DCHS1: variants seen among roughly 807,000 people sequenced by gnomAD.
DCHS1 encodes protocadherin-16.
Under a neutral mutation model 213.9 loss-of-function variants are expected in DCHS1, and 78 were observed. The observed-to-expected ratio is 0.36, with a 90% CI of 0.30 to 0.44. The LOEUF is 0.44. Among genes scored for constraint, DCHS1 ranks in the 20% least tolerant of loss-of-function variants. DCHS1 has a pLI of 1.00. For missense variants in DCHS1, 3,946 were observed against 4,395.9 expected (o/e 0.90, Z 2.89); for synonymous variants, 1,828 against 1,873.7 (o/e 0.98, Z 0.63).
chr11:6,627,154 G>A lies in DCHS1; in HGVS notation c.5885C>T (p.Thr1962Ile). The A allele has an allele frequency of 6.2e-7, 1 of 1,612,234 alleles. No individual in the cohort carries two copies. The highest frequency in any genetic ancestry group is 1.1e-5 in the South Asian group (1 of 91,080). ...DVNDHAPTFP[T>I]SPLRLRLPRP... ...GGGCAGACGTAGGCGCAGAGGACTG[G>A]TGGGGAAGGTGGGTGCATGGTCATT... Residue 1962 changes from threonine (T) to isoleucine (I), a missense_variant, in exon 14 of 21, where the codon ACC becomes ATC. Thr to Ile is a moderately conservative substitution (Grantham distance 89). This residue lies in a region of DCHS1 where 3,384 missense variants were observed against 3,780.1 expected (regional missense o/e 0.90). Coordinates refer to ENST00000299441, the MANE Select transcript of DCHS1 (RefSeq NM_003737.4). The surrounding 1 kb of genome is among the most constrained non-coding windows in gnomAD (Gnocchi z 5.4).
In DCHS1 at chr11:6,625,016, C is replaced by A; in HGVS notation, c.7147-148G>T. On this transcript the variant is annotated intron_variant, in intron 19 of 20. Transcript: ENST00000299441. The surrounding 1 kb of genome is among the most constrained non-coding windows in gnomAD (Gnocchi z 5.3). ...TCCTAAGTATTCGAATGGGAAATGC[C>A]CACCTTCTCCCCTTTCTGGGTACAG... The A allele has an allele frequency of 2.9e-6, 4 of 1,388,342 alleles. No individual in the cohort carries two copies. The highest frequency in any genetic ancestry group is 3.9e-6 in the Non-Finnish European group (4 of 1,021,470). The allele number at this position is 1,388,342 out of a possible 1,614,324, so 86.0% of individuals were successfully genotyped here.
rs1564861260 is a variant in DCHS1, at chr11:6,626,414, C to T, written c.6365-34G>A. 1 of 1,608,266 alleles carries T rather than the reference C, an allele frequency of 6.2e-7. No individual in the cohort carries two copies. Among genetic ancestry groups the T allele is most frequent in the Admixed American group, 1.7e-5 (1 of 59,336 alleles). Reference sequence around the variant, plus strand: ...GATAGAATGCATCAGTGATAGCCCCCTTTGCTTGCCCTGGAGCCTCCTTCT... The same window carrying T: ...GATAGAATGCATCAGTGATAGCCCCTTTTGCTTGCCCTGGAGCCTCCTTCT... On this transcript the variant is annotated intron_variant, in intron 15 of 20. Transcript: ENST00000299441. The surrounding 1 kb of genome is among the most constrained non-coding windows in gnomAD (Gnocchi z 5.2).
At chr11:6,644,697 A>T (rs1049269209) in intron 1 of DCHS1, among the ~76,000 whole-genome samples, 2 of 152,230 alleles carry the variant, frequency 1.3e-5, no homozygotes, top group African/African-American at 4.8e-5. Context: ...GCCCGTGCTA[A>T]ATGAATGGTC....
rs200639390 is a variant in DCHS1 at position 6,640,709 on chromosome 11, T to A, written c.905A>T (p.Asp302Val). ...GTGTGCGTCGATGGAGAAGGGTCCA[T>A]CACCCTCGCTCTGCCTCCGGTTGAT... ...YEINRRQSEG[D>V]GPFSIDAHTG... Residue 302 changes from aspartate (D) to valine (V), a missense_variant, in exon 2 of 21, where the codon GAT becomes GTT. Around this residue, in one of 3 missense-constraint regions of DCHS1, gnomAD observed 3,384 missense variants for 3,780.1 expected, o/e 0.90. Coordinates refer to ENST00000299441, the MANE Select transcript of DCHS1 (RefSeq NM_003737.4). This position sits in a 1 kb window ranked among gnomAD's most constrained non-coding sequence, Gnocchi z 6.5. 5.0e-6 allele frequency: 8 copies of A among 1,613,720 alleles called. No individual in the cohort carries two copies. In the African/African-American group the frequency reaches 9.3e-5, roughly 19 times the overall value.
Position 6,633,397 on chromosome 11 carries a change from A to G in DCHS1, c.2455+15T>C. ...TTTGGGTCTGACACCAAGTGGGTAT[A>G]AAGCTAAATGATACCTGGTGGGTTG... is the stretch of plus-strand genomic sequence containing the variant. On this transcript the variant is annotated intron_variant, in intron 5 of 20. Coordinates refer to ENST00000299441, the MANE Select transcript of DCHS1 (RefSeq NM_003737.4). 1 of 1,549,720 alleles carries G rather than the reference A, an allele frequency of 6.5e-7. No homozygotes were observed. The highest frequency in any genetic ancestry group is 1.2e-5 in the South Asian group (1 of 83,756).
chr11:6,631,255 G>T (rs1855902631), intron 8 of DCHS1, 45 bp from the exon 9 acceptor site: 1 of 1,613,490 alleles, frequency 6.2e-7, no homozygotes, highest in Non-Finnish European at 8.5e-7. Context: ...CCCAGAGCTG[G>T]GCAGGCCATG....
intron 1 of DCHS1, among the ~76,000 whole-genome samples, chr11:6,653,935 G>A (rs1425734611): frequency 6.6e-6 from 1 of 152,184 alleles, no homozygotes; most frequent in Non-Finnish European, 1.5e-5. Flanking sequence ...AGAGAGGAAT[G>A]CAAGAGTTTA....
Position 6,621,689 on chromosome 11 carries a change from T to C in DCHS1, c.*90A>G. On this transcript the variant is annotated 3_prime_UTR_variant, in exon 21 of 21. Coordinates refer to ENST00000299441, the MANE Select transcript of DCHS1 (RefSeq NM_003737.4). The stretch of plus-strand genomic sequence containing the variant: ...GTGGTGGCCTCCCCGTAGCCAGTCA[T>C]AGTCCGAGGCTGCCCAGGGCAGGCT... The C allele has an allele frequency of 2.1e-6, 3 of 1,461,074 alleles. No individual in the cohort carries two copies. Among genetic ancestry groups the C allele is most frequent in the Non-Finnish European group, 2.8e-6 (3 of 1,078,580 alleles). 90.5% of individuals were successfully genotyped at this position (1,461,074 alleles called of 1,614,324 possible).
chr11:6,632,215 A>C lies in DCHS1; in HGVS notation c.3297T>G (p.Asn1099Lys). Residue 1099 changes from asparagine to lysine, a missense_variant, in exon 6 of 21, where the codon AAT becomes AAG. This residue lies in a region of DCHS1 where 3,384 missense variants were observed against 3,780.1 expected (regional missense o/e 0.90). Coordinates refer to ENST00000299441, the MANE Select transcript of DCHS1 (RefSeq NM_003737.4). The surrounding 1 kb of genome is among the most constrained non-coding windows in gnomAD (Gnocchi z 5.9). The part of the protein sequence containing the change: ...ATVRVSILNQ[N>K]EHSPRLSEDP... ...CCTCAGACAAGCGGGGACTGTGTTC[A>C]TTCTGGTTGAGGATGCTGACCCTCA... The C allele has an allele frequency of 1.2e-6, 2 of 1,612,462 alleles. No individual in the cohort carries two copies.
chr11:6,634,470 A>G (rs893134480), intron 2 of DCHS1, among the ~76,000 whole-genome samples, 164 bp from the exon 3 acceptor site: 1 of 152,092 alleles, frequency 6.6e-6, no homozygotes, highest in Admixed American at 6.5e-5. Context: ...GTACCTCACC[A>G]TTTAGTTAGG....
rs768356725 is a variant in DCHS1, at chr11:6,632,492, A to C, written c.3020T>G (p.Val1007Gly). 8 of 1,577,240 alleles carry C rather than the reference A, an allele frequency of 5.1e-6. No individual in the cohort carries two copies. The South Asian group carries it at 8.2e-5, about 16-fold the overall frequency. ...AGCAGTGGTGCCTGAGGGCAGGTCCACACGGTAGGTAGGGCTGTTGAATCG... is the reference window on the plus strand; with the variant it reads ...AGCAGTGGTGCCTGAGGGCAGGTCCCCACGGTAGGTAGGGCTGTTGAATCG... ...APRFNSPTYR[V>G]DLPSGTTAGT... The change falls in exon 6 of 21, where the codon GTG (valine) becomes GGG (glycine). Residue 1007 changes from valine to glycine, a missense_variant. Val to Gly is a moderately radical substitution (Grantham distance 109). Coordinates refer to ENST00000299441, the MANE Select transcript of DCHS1 (RefSeq NM_003737.4). This position sits in a 1 kb window ranked among gnomAD's most constrained non-coding sequence, Gnocchi z 5.9.
At chr11:6,637,479 G>C (rs1564867653) in intron 2 of DCHS1, among the ~76,000 whole-genome samples, 1 of 152,012 alleles carries the variant, frequency 6.6e-6, no homozygotes, top group Admixed American at 6.6e-5. Context: ...ATAGAAAAAA[G>C]CTCAAACCCT....
chr11:6,626,790 T>G lies in DCHS1; in HGVS notation c.6249A>C (p.Pro2083=). 1 of 1,611,352 alleles carries G rather than the reference T, an allele frequency of 6.2e-7. No homozygotes were observed. Among genetic ancestry groups the G allele is most frequent in the South Asian group, 1.1e-5 (1 of 91,070 alleles). ...SEATIRENAP[P]GTPIVSPRAV... is the part of the protein sequence containing the mutation. Reference sequence around the variant, plus strand: ...TGGAAGAAATGGCTGGGGACCCACCTGGGGGCGCATTCTCACGAATCGTAG... The same window carrying G: ...TGGAAGAAATGGCTGGGGACCCACCGGGGGGCGCATTCTCACGAATCGTAG... Residue 2083 remains proline, a splice_region_variant and synonymous_variant, in exon 14 of 21, where the codon CCA becomes CCC. Coordinates refer to ENST00000299441, the MANE Select transcript of DCHS1 (RefSeq NM_003737.4). The surrounding 1 kb of genome is among the most constrained non-coding windows in gnomAD (Gnocchi z 5.2).
In DCHS1 at chr11:6,641,132, C is replaced by T. The variant is rs140561117; in HGVS notation, c.482G>A (p.Arg161His). 73 of 1,613,786 alleles carry T rather than the reference C, an allele frequency of 4.5e-5. No individual in the cohort carries two copies. Among genetic ancestry groups the T allele is most frequent in the Admixed American group, 1.2e-4 (7 of 60,024 alleles). ...QVPEHTAFGT[R>H]YPLEPARDAD... is the part of the protein sequence containing the mutation. ...ATCACGAGCAGGCTCCAGTGGGTAG[C>T]GGGTGCCAAAAGCTGTATGCTCAGG... Residue 161 changes from arginine (R) to histidine (H), a missense_variant, in exon 2 of 21, where the codon CGC (arginine) becomes CAC (histidine). This residue lies in a region of DCHS1 where 3,384 missense variants were observed against 3,780.1 expected (regional missense o/e 0.90). Coordinates refer to ENST00000299441, the MANE Select transcript of DCHS1 (RefSeq NM_003737.4). The surrounding 1 kb of genome is among the most constrained non-coding windows in gnomAD (Gnocchi z 7.1).
intron 1 of DCHS1, among the ~76,000 whole-genome samples, chr11:6,654,593 T>C (rs916832738): frequency 6.6e-5 from 10 of 152,006 alleles, no homozygotes; most frequent in Non-Finnish European, 1.2e-4. Context: ...GTTGGCTTGA[T>C]AGAGTCTGCT....
In DCHS1 at chr11:6,641,795, G is replaced by A. The variant is rs923760976; in HGVS notation, c.-120-62C>T. 2.2e-6 allele frequency: 3 copies of A among 1,345,328 alleles called. No homozygotes were observed. In the East Asian group the frequency reaches 7.6e-5, roughly 34 times the overall value. The allele number at this position is 1,345,328 out of a possible 1,614,324, so 83.3% of individuals were successfully genotyped here. A position where few individuals can be genotyped will look rare whatever the true frequency, so the allele number is the denominator to read the frequency against. ...GAGGGATCAGCAGTCCAGATAACCT[G>A]GACGAGGCCACATCAACATTCAGAT... is the stretch of plus-strand genomic sequence containing the variant. On this transcript the variant is annotated intron_variant, in intron 1 of 20. Transcript: ENST00000299441. The surrounding 1 kb of genome is among the most constrained non-coding windows in gnomAD (Gnocchi z 7.1).
At position 6,629,826 on chromosome 11, in the gene DCHS1, C is replaced by G; in HGVS notation, c.4881G>C (p.Pro1627=). The change falls in exon 11 of 21, where the codon CCG becomes CCC. Residue 1627 remains proline, a synonymous_variant. Coordinates refer to ENST00000299441, the MANE Select transcript of DCHS1 (RefSeq NM_003737.4). The part of the protein sequence containing the change: ...LTVVASDHGS[P]PRSATQVLTV... ...TCAGGACCTGCGTGGCCGAGCGCGG[C>G]GGGGAGCCGTGGTCTGAGGCCACCA... 4.3e-6 allele frequency: 7 copies of G among 1,612,998 alleles called. No individual in the cohort carries two copies. Among genetic ancestry groups the G allele is most frequent in the Non-Finnish European group, 5.9e-6 (7 of 1,179,886 alleles).
Position 6,641,642 on chromosome 11 carries a change from C to A in DCHS1, c.-29G>T, listed in dbSNP as rs1856077334. ...AAGGGTAGTCCAGCTGTGCCTTGGG[C>A]TCCAGCTCCAGGCCAGGCTCTGGGC... On this transcript the variant is annotated 5_prime_UTR_variant, in exon 2 of 21. Coordinates refer to ENST00000299441, the MANE Select transcript of DCHS1 (RefSeq NM_003737.4). This position sits in a 1 kb window ranked among gnomAD's most constrained non-coding sequence, Gnocchi z 7.1. 6.6e-7 allele frequency: 1 copy of A among 1,510,132 alleles called. No individual in the cohort carries two copies. The allele number at this position is 1,510,132 out of a possible 1,614,324, so 93.5% of individuals were successfully genotyped here.
Position 6,625,947 on chromosome 11 carries a change from A to G in DCHS1, c.6704T>C (p.Leu2235Pro), listed in dbSNP as rs1476532876. The G allele has an allele frequency of 6.2e-7, 1 of 1,613,712 alleles. No individual in the cohort carries two copies. The highest frequency in any genetic ancestry group is 8.5e-7 in the Non-Finnish European group (1 of 1,179,772). The change falls in exon 17 of 21, where the codon CTG (leucine) becomes CCG (proline). Residue 2235 changes from leucine to proline, a missense_variant. Transcript: ENST00000299441. This position sits in a 1 kb window ranked among gnomAD's most constrained non-coding sequence, Gnocchi z 5.3. ...TTGTITTTAI[L>P]DREIWAETRL... ...TGTTTCAGCCCAGATCTCACGGTCC[A>G]GGATGGCTGTGGTAGTGATAGTGCC... is the stretch of plus-strand genomic sequence containing the variant.
Sources: gnomAD v4.1 joint callset for allele counts (sites outside exome capture counted in the v4.1 genomes callset) on GRCh38, gnomAD v4.1.1 for gene constraint, gnomAD v4.1.1 regional missense constraint, Gnocchi (gnomAD v3.1) non-coding constraint, MANE v1.5 for transcripts, NCBI Gene and HGNC (gene_info 2026-07-23, HGNC 2026-07-21) for gene names.